ERAP2: variants seen among roughly 807,000 people sequenced by gnomAD.
The protein encoded by ERAP2 is leukocyte-derived arginine aminopeptidase.
Under a neutral mutation model 111.1 loss-of-function variants are expected in ERAP2, and 118 were observed. That is an observed-to-expected ratio of 1.06 (90% CI 0.92 to 1.24). ERAP2 has a LOEUF of 1.24. Ranked by LOEUF, ERAP2 falls within the 50% of genes most tolerant of loss-of-function variation. The pLI, the probability that ERAP2 is intolerant of heterozygous loss-of-function variation, is 0.00. For missense variants in ERAP2, 1,131 were observed against 1,125.8 expected, an observed-to-expected ratio of 1.00 and a Z score of -0.07; for synonymous variants, 410 against 401.2, an observed-to-expected ratio of 1.02 and a Z score of -0.26.
chr5:96,891,857 G>C (rs907934365), intron 5 of ERAP2, among the ~76,000 whole-genome samples: 1 of 151,984 alleles, frequency 6.6e-6, no homozygotes, highest in Admixed American at 6.6e-5. Flanking sequence ...TTAAAATCAT[G>C]CATCTTTTTG....
In ERAP2 at chr5:96,896,438, T is replaced by A. The variant is rs2548538; in HGVS notation, c.1305T>A (p.Pro435=). The A allele has an allele frequency of 0.52, 836,682 of 1,612,288 alleles. 218,450 individuals carry two copies. Among genetic ancestry groups the A allele is most frequent in the Admixed American group, 0.61 (36,486 of 59,840 alleles). Residue 435 remains proline, a synonymous_variant, in exon 8 of 19, where the codon CCT becomes CCA. Transcript: ENST00000437043. ...AAGATTCATTGAATTCATCCCGCCCTATCTCCAAACCAGCGGAAACCCCGA... is the reference window on the plus strand; with the variant it reads ...AAGATTCATTGAATTCATCCCGCCCAATCTCCAAACCAGCGGAAACCCCGA... ...ITKDSLNSSR[P]ISKPAETPTQ...
intron 9 of ERAP2, among the ~76,000 whole-genome samples, chr5:96,898,195 C>CAAT (rs1275615471): frequency 1.7e-4 from 25 of 151,204 alleles, no homozygotes; most frequent in African/African-American, 4.6e-4. Flanking sequence ...GACTCTGTCT[C>CAAT]AATAATAATA....
chr5:96,915,608 A>G (rs1320042177), intron 17 of ERAP2, 80 bp from the exon 18 acceptor site: 2 of 730,714 alleles, frequency 2.7e-6, no homozygotes, highest in Admixed American at 3.1e-5. Context: ...ATTAATATAC[A>G]TTAAAAATAT....
intron 6 of ERAP2, 112 bp from the exon 7 acceptor site, chr5:96,895,134 A>T: frequency 1.6e-6 from 1 of 627,564 alleles, no homozygotes; most frequent in Non-Finnish European, 2.7e-6. Context: ...TAGCAAAGAG[A>T]GAAGAGAGAT....
chr5:96,907,342 C>A (rs1333157776), intron 13 of ERAP2, among the ~76,000 whole-genome samples: 2 of 151,918 alleles, frequency 1.3e-5, no homozygotes, highest in Non-Finnish European at 2.9e-5. Flanking sequence ...AAGAAATAGG[C>A]AACTATAAAA....
chr5:96,913,512 C>T, intron 17 of ERAP2, 55 bp downstream of exon 17: 3 of 1,583,330 alleles, frequency 1.9e-6, no homozygotes, highest in Non-Finnish European at 2.6e-6. Context: ...TCTCAGTTGC[C>T]TCAAACCAAG....
At position 96,880,119 on chromosome 5, in the gene ERAP2, A is replaced by G. The variant is rs554491944; in HGVS notation, c.434A>G (p.His145Arg). The change falls in exon 2 of 19, where the codon CAT becomes CGT. Residue 145 changes from histidine (H) to arginine (R), a missense_variant. Physicochemically the swap from His to Arg is conservative, Grantham distance 29. Around this residue, in one of 3 missense-constraint regions of ERAP2, gnomAD observed 847 missense variants for 856.5 expected, o/e 0.99. Coordinates refer to ENST00000437043, the MANE Select transcript of ERAP2 (RefSeq NM_022350.5). Reference sequence around the variant, plus strand: ...CTGAAAGTTTTGAGTTACCCTGCTCATGAACAAATTGCACTGCTGGTTCCA... The same window carrying G: ...CTGAAAGTTTTGAGTTACCCTGCTCGTGAACAAATTGCACTGCTGGTTCCA... The part of the protein sequence containing the change: ...KELKVLSYPA[H>R]EQIALLVPEK... 5 of 1,614,182 alleles carry G rather than the reference A, an allele frequency of 3.1e-6. No individual in the cohort carries two copies. The South Asian group carries it at 4.4e-5, about 14-fold the overall frequency.
At chr5:96,881,314 G>A in intron 2 of ERAP2, 1 of 424,720 alleles carries the variant, frequency 2.4e-6, no homozygotes, top group Non-Finnish European at 4.8e-6. Flanking sequence ...GGCCAGGCTA[G>A]TGGCAGTGCT....
rs757591290 is a variant in ERAP2, at chr5:96,880,157, C to T, written c.472C>T (p.Pro158Ser). 6.2e-7 allele frequency: 1 copy of T among 1,614,042 alleles called. No homozygotes were observed. The highest frequency in any genetic ancestry group is 2.2e-5 in the East Asian group (1 of 44,878). ...IALLVPEKLT[P>S]HLKYYVAMDF... The stretch of plus-strand genomic sequence containing the variant: ...ACTGCTGGTTCCAGAGAAACTTACG[C>T]CTCACCTGAAATACTATGTGGCTAT... The change falls in exon 2 of 19, where the codon CCT (proline) becomes TCT (serine). Residue 158 changes from proline to serine, a missense_variant. By Grantham distance (74) the Pro-to-Ser change is moderately conservative. Transcript: ENST00000437043.
intron 17 of ERAP2, among the ~76,000 whole-genome samples, chr5:96,913,915 T>C (rs1006558404): frequency 6.6e-6 from 1 of 152,166 alleles, no homozygotes; most frequent in Admixed American, 6.5e-5. Context: ...GGTGGCACAG[T>C]GGAGACCTTG....
intron 17 of ERAP2, among the ~76,000 whole-genome samples, chr5:96,915,194 A>G (rs1251940273): frequency 6.6e-6 from 1 of 152,070 alleles, no homozygotes; most frequent in Non-Finnish European, 1.5e-5. Context: ...ATTTTAGTAC[A>G]GATAGGGTTT....
At chr5:96,881,575 G>A in intron 2 of ERAP2, 1 of 441,424 alleles carries the variant, frequency 2.3e-6, no homozygotes, top group Non-Finnish European at 4.6e-6. Context: ...AACCACACAG[G>A]GGCATATTTT....
intron 4 of ERAP2, among the ~76,000 whole-genome samples, chr5:96,888,210 T>TA (rs139295041): frequency 0.018 from 2,758 of 152,234 alleles, 101 homozygotes; most frequent in African/African-American, 0.062. Context: ...ACATATGTAT[T>TA]ATGTTCATGA....
chr5:96,896,066 A>T (rs1784831885), intron 7 of ERAP2, among the ~76,000 whole-genome samples: 1 of 152,178 alleles, frequency 6.6e-6, no homozygotes, highest in Non-Finnish European at 1.5e-5. Context: ...TGATAGGTCT[A>T]GGCACGTAAC....
At chr5:96,887,031 T>C (rs1001115662) in intron 4 of ERAP2, among the ~76,000 whole-genome samples, 6 of 148,912 alleles carry the variant, frequency 4.0e-5, no homozygotes, top group Non-Finnish European at 7.4e-5. Flanking sequence ...GTGTACATAG[T>C]AACAGTATTT....
At chr5:96,913,197 G>A in intron 16 of ERAP2, 120 bp from the exon 17 acceptor site, 1 of 720,112 alleles carries the variant, frequency 1.4e-6, no homozygotes, top group Non-Finnish European at 2.2e-6. Flanking sequence ...TTAAAAAATT[G>A]GTAATTATAC....
At chr5:96,906,176 ACACT>A (rs1786056276) in intron 13 of ERAP2, among the ~76,000 whole-genome samples, 1 of 114,848 alleles carries the variant, frequency 8.7e-6, no homozygotes, top group African/African-American at 3.4e-5. Context: ...CCACGACACG[ACACT>A]GTCTCTTTTT....
rs772989785 is a variant in ERAP2 at position 96,880,241 on chromosome 5, A to C, written c.556A>C (p.Thr186Pro). The C allele has an allele frequency of 2.5e-6, 4 of 1,609,322 alleles. No homozygotes were observed. The highest frequency in any genetic ancestry group is 3.4e-6 in the Non-Finnish European group (4 of 1,177,590). Residue 186 changes from threonine to proline, a missense_variant, in exon 2 of 19, where the codon ACT becomes CCT. Physicochemically the swap from Thr to Pro is conservative, Grantham distance 38 (BLOSUM62 -1). Around this residue, in one of 3 missense-constraint regions of ERAP2, gnomAD observed 847 missense variants for 856.5 expected, o/e 0.99. Coordinates refer to ENST00000437043, the MANE Select transcript of ERAP2 (RefSeq NM_022350.5). ...AGGGTTTTATAAAAGCACATACAGAACTCTTGGTGGTGAAACAAGGTAAGA... is the reference window on the plus strand; with the variant it reads ...AGGGTTTTATAAAAGCACATACAGACCTCTTGGTGGTGAAACAAGGTAAGA... ...FEGFYKSTYR[T>P]LGGETRILAV... is the part of the protein sequence containing the mutation.
At chr5:96,916,973 T>C (rs1787484657) in intron 18 of ERAP2, among the ~76,000 whole-genome samples, 1 of 152,204 alleles carries the variant, frequency 6.6e-6, no homozygotes, top group African/African-American at 2.4e-5. Flanking sequence ...TTACTTTACC[T>C]ATTGTTTGAA....
Sources: allele counts gnomAD v4.1 joint callset (sites outside exome capture counted in the v4.1 genomes callset), GRCh38; gene constraint gnomAD v4.1.1; regional missense constraint gnomAD v4.1.1; transcripts MANE v1.5; gene names NCBI Gene and HGNC (gene_info 2026-07-23, HGNC 2026-07-21).